The following RFC3 variants were observed in gnomAD, a reference collection of about 807,000 sequenced individuals.
RFC3 encodes the protein A1 38 kDa subunit.
RFC3 carries 41 observed loss-of-function variants against 45.1 expected under a neutral mutation model. The ratio of observed to expected loss-of-function variants is 0.91; its 90% CI spans 0.71 to 1.18. RFC3 has a LOEUF of 1.18. Among genes scored for constraint, RFC3 ranks in the 50% most tolerant of loss-of-function variants. The probability of loss-of-function intolerance (pLI) is 0.00; values close to 1 mark genes in which losing one functional copy is unlikely to be tolerated. For missense variants in RFC3, 423 were observed against 428.1 expected, an observed-to-expected ratio of 0.99 and a Z score of 0.10; for synonymous variants, 149 against 144.0, an observed-to-expected ratio of 1.03 and a Z score of -0.25.
intron 8 of RFC3, chr13:33,848,497 A>G (rs960963944): frequency 6.6e-6 from 1 of 152,212 alleles, no homozygotes; most frequent in Non-Finnish European, 1.5e-5. Flanking sequence ...ATTCACCAGC[A>G]TCTGTTAAAC....
At chr13:33,891,136 T>G (rs1485088733) in intron 8 of RFC3, among the ~76,000 whole-genome samples, 1 of 152,132 alleles carries the variant, frequency 6.6e-6, no homozygotes, top group Non-Finnish European at 1.5e-5. Flanking sequence ...TTGTAAAAAA[T>G]AAGAAACTAA....
At chr13:33,963,685 T>G (rs2137872736) in intron 8 of RFC3, among the ~76,000 whole-genome samples, 1 of 152,368 alleles carries the variant, frequency 6.6e-6, no homozygotes, top group South Asian at 2.1e-4. Flanking sequence ...TATAATGGAC[T>G]TCTGGGCTTC....
At chr13:33,827,130 T>C (rs933948447) in intron 4 of RFC3, among the ~76,000 whole-genome samples, 2 of 152,174 alleles carry the variant, frequency 1.3e-5, no homozygotes, top group African/African-American at 4.8e-5. Context: ...GATTTTCTAA[T>C]ATTAAAACTT....
intron 8 of RFC3, among the ~76,000 whole-genome samples, chr13:33,921,302 G>A (rs1209729726): frequency 2.0e-5 from 3 of 152,134 alleles, no homozygotes; most frequent in South Asian, 4.1e-4. Context: ...TAGTGGCTCC[G>A]TAAGTGGAGC....
intron 8 of RFC3, among the ~76,000 whole-genome samples, chr13:33,879,774 T>A (rs1283572125): frequency 3.3e-5 from 5 of 152,154 alleles, no homozygotes; most frequent in Non-Finnish European, 7.4e-5. Flanking sequence ...AGTTCTGGAG[T>A]GTAGAAGTCC....
chr13:33,881,458 C>T (rs1184236108), intron 8 of RFC3, among the ~76,000 whole-genome samples: 1 of 152,202 alleles, frequency 6.6e-6, no homozygotes, highest in Non-Finnish European at 1.5e-5. Context: ...AGAGCTTCAT[C>T]TTCCTGTCCA....
chr13:33,861,432 A>G (rs986200588), intron 8 of RFC3, among the ~76,000 whole-genome samples: 4 of 152,172 alleles, frequency 2.6e-5, no homozygotes, highest in Admixed American at 2.6e-4. Flanking sequence ...GTTTGAGACC[A>G]GCCTGGCCAA....
chr13:33,867,842 C>T (rs760620720), intron 8 of RFC3, among the ~76,000 whole-genome samples: 5 of 152,202 alleles, frequency 3.3e-5, no homozygotes, highest in East Asian at 1.9e-4. Context: ...TTCTTTACCA[C>T]GTTATGTATA....
intron 8 of RFC3, among the ~76,000 whole-genome samples, chr13:33,891,705 A>G (rs1025742413): frequency 1.3e-5 from 2 of 152,164 alleles, no homozygotes; most frequent in African/African-American, 4.8e-5. Flanking sequence ...TATAACAACT[A>G]TATAATATCA....
At chr13:33,937,497 T>G (rs1363907491) in intron 8 of RFC3, among the ~76,000 whole-genome samples, 1 of 152,226 alleles carries the variant, frequency 6.6e-6, no homozygotes, top group East Asian at 1.9e-4. Context: ...CCTAGAAAGG[T>G]CAAATGAATT....
chr13:33,938,935 G>GT (rs1291171742), intron 8 of RFC3, among the ~76,000 whole-genome samples: 1 of 152,010 alleles, frequency 6.6e-6, no homozygotes, highest in Non-Finnish European at 1.5e-5. Context: ...GGATTTTTCA[G>GT]TTAGTTTCTT....
In RFC3 at chr13:33,836,156, T is replaced by A; in HGVS notation, c.932T>A (p.Val311Glu). The A allele has an allele frequency of 6.2e-7, 1 of 1,613,056 alleles. No homozygotes were observed. The highest frequency in any genetic ancestry group is 1.7e-5 in the Admixed American group (1 of 59,934). Reference protein sequence around the residue: ...HNCDGQLKGEVAQMAAYYEHR... With the variant: ...HNCDGQLKGEEAQMAAYYEHR... The stretch of plus-strand genomic sequence containing the variant: ...TGTGATGGACAACTGAAAGGGGAGG[T>A]GGCACAAATGGCAGCTTACTATGAG... Residue 311 changes from valine to glutamate, a missense_variant, in exon 9 of 9, where the codon GTG (valine) becomes GAG (glutamate). Transcript: ENST00000380071.
chr13:33,950,562 G>C (rs1359718781), intron 8 of RFC3, among the ~76,000 whole-genome samples: 3 of 152,092 alleles, frequency 2.0e-5, no homozygotes, highest in Non-Finnish European at 4.4e-5. Context: ...TTGATAATTT[G>C]GGCTTGCCCC....
chr13:33,864,034 G>A (rs969064566), intron 8 of RFC3, among the ~76,000 whole-genome samples: 4 of 152,128 alleles, frequency 2.6e-5, no homozygotes, highest in African/African-American at 4.8e-5. Context: ...CAACATCTGC[G>A]TGGCTTCTGG....
chr13:33,919,703 G>T (rs1222616362), intron 8 of RFC3, among the ~76,000 whole-genome samples: 2 of 152,018 alleles, frequency 1.3e-5, no homozygotes, highest in East Asian at 1.9e-4. Context: ...ATGTCATTTT[G>T]CTGTAACTTT....
At chr13:33,971,243 T>C (rs6562232), downstream of RFC3, among the ~76,000 whole-genome samples, 150,306 of 152,330 alleles carry the variant, frequency 0.99, 74,174 homozygotes, top group East Asian at 1. Context: ...ATTGGAACCA[T>C]TATCATGAAT....
intron 8 of RFC3, among the ~76,000 whole-genome samples, chr13:33,860,580 C>A (rs577710605): frequency 1.5e-3 from 221 of 152,186 alleles, no homozygotes; most frequent in African/African-American, 5.1e-3. Context: ...TATCCCTCGG[C>A]TTTTTAATGT....
At position 33,818,229 on chromosome 13, in the gene RFC3, C is replaced by T. The variant is rs1454030012; in HGVS notation, c.51C>T (p.Asp17=). The T allele has an allele frequency of 1.2e-6, 2 of 1,613,674 alleles. No homozygotes were observed. The highest frequency in any genetic ancestry group is 1.7e-5 in the Admixed American group (1 of 60,014). Reference sequence around the variant, plus strand: ...GGCCCTGCTCCTTGGGACGGCTGGACTATCACAAGGAGCAGGCGGCCCAGC... The same window carrying T: ...GGCCCTGCTCCTTGGGACGGCTGGATTATCACAAGGAGCAGGCGGCCCAGC... The part of the protein sequence containing the change: ...KYRPCSLGRL[D]YHKEQAAQLR... Residue 17 remains aspartate (D), a synonymous_variant, in exon 1 of 9, where the codon GAC becomes GAT. Transcript: ENST00000380071.
intron 8 of RFC3, among the ~76,000 whole-genome samples, chr13:33,852,534 C>A (rs374135169): frequency 2.0e-5 from 3 of 152,018 alleles, no homozygotes; most frequent in African/African-American, 7.2e-5. Flanking sequence ...TGGGGAGTAA[C>A]CCTCAGAAAC....
Sources: allele counts gnomAD v4.1 joint callset (sites outside exome capture counted in the v4.1 genomes callset), GRCh38; gene constraint gnomAD v4.1.1; transcripts MANE v1.5; gene names NCBI Gene and HGNC (gene_info 2026-07-23, HGNC 2026-07-21).